Variants in MEGF11 observed in about 807,000 individuals in gnomAD.
The protein encoded by MEGF11 is multiple epidermal growth factor-like domains protein 11.
Under a neutral mutation model 146.6 loss-of-function variants are expected in MEGF11, and 126 were observed. The ratio of observed to expected loss-of-function variants is 0.86; its 90% CI spans 0.74 to 1.00. The LOEUF (loss-of-function observed/expected upper bound fraction) is 1.00, where lower values mean the gene tolerates loss of function less well. Ranked by LOEUF, MEGF11 falls within the 50% of genes least tolerant of loss-of-function variation. The probability of loss-of-function intolerance (pLI) is 0.00; values close to 1 mark genes in which losing one functional copy is unlikely to be tolerated. For missense variants in MEGF11, 1,509 were observed against 1,521.2 expected (o/e 0.99, Z 0.13); for synonymous variants, 532 against 583.4 (o/e 0.91, Z 1.27).
At chr15:65,987,616 A>G (rs2081908385) in intron 5 of MEGF11, among the ~76,000 whole-genome samples, 2 of 152,110 alleles carry the variant, frequency 1.3e-5, no homozygotes, top group African/African-American at 4.8e-5. Context: ...AAACTTTTCC[A>G]TCACCCCAAA....
intron 1 of MEGF11, among the ~76,000 whole-genome samples, chr15:66,253,207 G>A (rs1292291570): frequency 6.6e-6 from 1 of 152,152 alleles, no homozygotes; most frequent in East Asian, 1.9e-4. Flanking sequence ...GGGGCGGCTT[G>A]AGAGCGGAGT....
chr15:65,915,747 T>C, intron 18 of MEGF11, 149 bp from the exon 19 acceptor site: 5 of 1,016,486 alleles, frequency 4.9e-6, no homozygotes, highest in Non-Finnish European at 7.1e-6. Context: ...TTTATAGCAC[T>C]GAGTGGGGGA....
intron 23 of MEGF11, among the ~76,000 whole-genome samples, 174 bp downstream of exon 23, chr15:65,908,860 A>C (rs889615364): frequency 6.6e-6 from 1 of 152,208 alleles, no homozygotes; most frequent in Non-Finnish European, 1.5e-5. Flanking sequence ...AGATCCAGAC[A>C]GGTTTCCATC....
intron 1 of MEGF11, among the ~76,000 whole-genome samples, chr15:66,248,569 G>T (rs917120264): frequency 6.6e-6 from 1 of 152,138 alleles, no homozygotes; most frequent in Non-Finnish European, 1.5e-5. Context: ...TTCCCTGAAG[G>T]CATCTTTCTT....
rs1334081013 is a variant in MEGF11, at chr15:66,104,607, T to C, written c.302-10113A>G. 3.3e-5 allele frequency among the ~76,000 whole-genome samples: 5 copies of C among 152,212 alleles called. No homozygotes were observed. In the South Asian group the frequency reaches 8.3e-4, roughly 25 times the overall value. On this transcript the variant is annotated intron_variant, in intron 4 of 25. Coordinates refer to ENST00000395614, the MANE Select transcript of MEGF11 (RefSeq NM_001385028.1). ...TTAACTTTGCCCATTGGCTTCAAAATGAGAAAAACCTCTGCTCTACAGTCA... is the reference window on the plus strand; with the variant it reads ...TTAACTTTGCCCATTGGCTTCAAAACGAGAAAAACCTCTGCTCTACAGTCA...
At chr15:66,186,159 A>C (rs1365749938) in intron 1 of MEGF11, among the ~76,000 whole-genome samples, 1 of 152,172 alleles carries the variant, frequency 6.6e-6, no homozygotes, top group East Asian at 1.9e-4. Flanking sequence ...AGGCTTCTCT[A>C]TCACTTTAGA....
intron 5 of MEGF11, among the ~76,000 whole-genome samples, chr15:65,999,593 G>A (rs1208623644): frequency 6.6e-6 from 1 of 152,124 alleles, no homozygotes; most frequent in East Asian, 1.9e-4. Flanking sequence ...CATATGACCT[G>A]AGGAAGCATT....
intron 10 of MEGF11, among the ~76,000 whole-genome samples, chr15:65,941,218 C>T (rs943203378): frequency 1.3e-5 from 2 of 152,102 alleles, no homozygotes; most frequent in Non-Finnish European, 2.9e-5. Flanking sequence ...GAGTTTGAGA[C>T]CAGACTGGCT....
intron 5 of MEGF11, among the ~76,000 whole-genome samples, chr15:66,023,500 T>C (rs1320332375): frequency 6.6e-6 from 1 of 152,254 alleles, no homozygotes; most frequent in African/African-American, 2.4e-5. Flanking sequence ...CAAGGCTCCC[T>C]GCCAGGGAAC....
At chr15:65,978,206 C>G (rs1211084205) in intron 7 of MEGF11, among the ~76,000 whole-genome samples, 2 of 152,152 alleles carry the variant, frequency 1.3e-5, no homozygotes, top group African/African-American at 4.8e-5. Flanking sequence ...TCACATAGGG[C>G]CATTGGGAAG....
intron 5 of MEGF11, among the ~76,000 whole-genome samples, chr15:66,019,578 C>T (rs747792625): frequency 1.8e-4 from 27 of 152,202 alleles, no homozygotes; most frequent in South Asian, 6.2e-4. Context: ...TAGGGAACCG[C>T]AAGCCCCTTC....
At chr15:66,154,975 A>C (rs565888667) in intron 1 of MEGF11, among the ~76,000 whole-genome samples, 1 of 152,392 alleles carries the variant, frequency 6.6e-6, no homozygotes, top group South Asian at 2.1e-4. Context: ...AGAGCCAACA[A>C]GATTCCCTTC....
intron 1 of MEGF11, among the ~76,000 whole-genome samples, chr15:66,169,894 C>G (rs1001932072): frequency 2.0e-5 from 3 of 152,172 alleles, no homozygotes; most frequent in African/African-American, 7.2e-5. Context: ...CTTCTCCAAG[C>G]TCCCTTCACC....
chr15:66,219,758 T>C (rs1365846616), intron 1 of MEGF11, among the ~76,000 whole-genome samples: 1 of 152,162 alleles, frequency 6.6e-6, no homozygotes, highest in East Asian at 1.9e-4. Context: ...CTCTTGAGCA[T>C]TTATCCCAGA....
intron 5 of MEGF11, among the ~76,000 whole-genome samples, chr15:65,991,368 C>T (rs1309687235): frequency 7.9e-5 from 12 of 152,128 alleles, no homozygotes; most frequent in Admixed American, 7.9e-4. Flanking sequence ...TGAGGTAAAC[C>T]ATGTGAGATG....
chr15:66,033,310 G>A (rs940998696), intron 5 of MEGF11, among the ~76,000 whole-genome samples: 15 of 152,090 alleles, frequency 9.9e-5, no homozygotes, highest in African/African-American at 1.7e-4. Context: ...AACAGGCCCC[G>A]AGCTCTAGGA....
intron 5 of MEGF11, among the ~76,000 whole-genome samples, chr15:66,005,596 T>G (rs1354679011): frequency 6.6e-6 from 1 of 152,208 alleles, no homozygotes; most frequent in African/African-American, 2.4e-5. Flanking sequence ...ATGGTCCAGT[T>G]GGCTTCCCTG....
intron 1 of MEGF11, among the ~76,000 whole-genome samples, chr15:66,250,586 A>C (rs1163780340): frequency 6.6e-6 from 1 of 152,218 alleles, no homozygotes; most frequent in African/African-American, 2.4e-5. Flanking sequence ...AGTTCGGAAC[A>C]CTGAAGCAGC....
chr15:66,114,737 T>C lies in MEGF11; in HGVS notation c.301+4349A>G, dbSNP rs146938580. On this transcript the variant is annotated intron_variant, in intron 4 of 25. Transcript: ENST00000395614. Reference sequence around the variant, plus strand: ...TGACCAAAGTGGGCCAGGACTCCGCTGTAGCTGTAGATAATGGAAGCGGAA... The same window carrying C: ...TGACCAAAGTGGGCCAGGACTCCGCCGTAGCTGTAGATAATGGAAGCGGAA... Among the ~76,000 whole-genome samples, 863 of 150,866 alleles carry C rather than the reference T, an allele frequency of 5.7e-3. 9 individuals are homozygous for C. The highest frequency in any genetic ancestry group is 0.027 in the South Asian group (130 of 4,794).
Sources: gnomAD v4.1 joint callset for allele counts (sites outside exome capture counted in the v4.1 genomes callset) on GRCh38, gnomAD v4.1.1 for gene constraint, MANE v1.5 for transcripts, NCBI Gene and HGNC (gene_info 2026-07-23, HGNC 2026-07-21) for gene names.